LRPPRC: variants seen among roughly 807,000 people sequenced by gnomAD.
LRPPRC encodes the protein leucine rich pentatricopeptide repeat containing, also known as leucine-rich PPR motif-containing protein, mitochondrial.
LRPPRC carries 120 observed loss-of-function variants against 180.3 expected under a neutral mutation model. The observed-to-expected ratio is 0.67, with a 90% confidence interval of 0.57 to 0.77. LRPPRC has a LOEUF of 0.77. LRPPRC is among the 30% of genes least tolerant of loss of function. LRPPRC has a pLI of 0.00. For synonymous variants in LRPPRC, 723 were observed against 600.0 expected (o/e 1.21, Z -3.00); for missense variants, 2,012 against 1,657.2 (o/e 1.21, Z -3.72).
intron 1 of LRPPRC, among the ~76,000 whole-genome samples, chr2:43,995,205 C>T (rs1345821325): frequency 6.6e-6 from 1 of 152,178 alleles, no homozygotes; most frequent in Non-Finnish European, 1.5e-5. Flanking sequence ...CGCGCCACTG[C>T]ACTCCAGCCC....
At chr2:43,970,758 C>T (rs1412891792) in intron 11 of LRPPRC, among the ~76,000 whole-genome samples, 1 of 152,220 alleles carries the variant, frequency 6.6e-6, no homozygotes, top group Admixed American at 6.5e-5. Context: ...GGATTTTACA[C>T]TCTAGCCACG....
At chr2:43,945,551 G>C (rs1294943451) in intron 21 of LRPPRC, 134 bp from the exon 22 acceptor site, 5 of 681,414 alleles carry the variant, frequency 7.3e-6, no homozygotes, top group Non-Finnish European at 1.3e-5. Context: ...CTTCAGTTAG[G>C]ATTTCTTTTT....
chr2:43,972,046 A>G lies in LRPPRC; in HGVS notation c.1369+1561T>C, dbSNP rs376795604. ...GCAACTAATTTTTAAACAGCAGCTA[A>G]GAATTTTTAGAAAATAAACACAGTA... On this transcript the variant is annotated intron_variant, in intron 11 of 37. Coordinates refer to ENST00000260665, the MANE Select transcript of LRPPRC (RefSeq NM_133259.4). Among the ~76,000 whole-genome samples, 72 of 152,356 alleles carry G rather than the reference A, an allele frequency of 4.7e-4. 1 individual carries two copies. Among genetic ancestry groups the G allele is most frequent in the African/African-American group, 1.7e-3 (69 of 41,586 alleles).
chr2:43,900,563 C>T (rs1558904406), intron 32 of LRPPRC, among the ~76,000 whole-genome samples: 2 of 151,952 alleles, frequency 1.3e-5, no homozygotes, highest in Non-Finnish European at 2.9e-5. Flanking sequence ...ATCACATTTT[C>T]TTATTAAAGG....
intron 27 of LRPPRC, 101 bp from the exon 28 acceptor site, chr2:43,918,499 A>G (rs1388172294): frequency 1.1e-6 from 1 of 923,946 alleles, no homozygotes; most frequent in Non-Finnish European, 1.7e-6. Context: ...AGAAAGCATT[A>G]TTCCAAATGC....
intron 29 of LRPPRC, among the ~76,000 whole-genome samples, chr2:43,915,226 TCTCTCTCACACA>T (rs748022940): frequency 0.12 from 9,575 of 81,270 alleles, 377 homozygotes; most frequent in East Asian, 0.25. Context: ...TCTCTCTCTC[TCTCTCTCACACA>T]CACACACACA....
In LRPPRC at chr2:43,911,356, G is replaced by A. The variant is rs191851296; in HGVS notation, c.3275+1076C>T. ...ACATTAAAACACAGACACTAAATAC[G>A]GCCCTATGATGCATAACTTTAGCAA... On this transcript the variant is annotated intron_variant, in intron 30 of 37. Transcript: ENST00000260665. Among the ~76,000 whole-genome samples, 355 of 151,754 alleles carry A rather than the reference G, an allele frequency of 2.3e-3. 3 individuals carry two copies. Among genetic ancestry groups the A allele is most frequent in the Non-Finnish European group, 3.9e-3 (267 of 67,940 alleles).
intron 26 of LRPPRC, among the ~76,000 whole-genome samples, chr2:43,925,691 A>G (rs1387727065): frequency 1.3e-5 from 2 of 152,188 alleles, no homozygotes; most frequent in African/African-American, 4.8e-5. Context: ...TAATATCATC[A>G]GGGCCCAGGT....
At chr2:43,959,482 T>C (rs1234696791) in intron 13 of LRPPRC, among the ~76,000 whole-genome samples, 2 of 152,192 alleles carry the variant, frequency 1.3e-5, no homozygotes, top group Non-Finnish European at 2.9e-5. Flanking sequence ...TTTAGGGAGC[T>C]AAAAATTAAT....
chr2:43,933,161 G>A (rs993695157), intron 25 of LRPPRC, among the ~76,000 whole-genome samples: 1 of 152,120 alleles, frequency 6.6e-6, no homozygotes, highest in African/African-American at 2.4e-5. Context: ...CTGACAAGTG[G>A]GCAGATTGAG....
intron 8 of LRPPRC, 23 bp from the exon 9 acceptor site, chr2:43,974,318 T>C (rs537325893): frequency 1.9e-6 from 3 of 1,573,300 alleles, no homozygotes; most frequent in East Asian, 2.2e-5. Flanking sequence ...CAAAGACATC[T>C]TTTGTTAATA....
rs1380043598 is a variant in LRPPRC, at chr2:43,995,943, G to A, written c.5C>T (p.Ala2Val). 4 of 1,526,272 alleles carry A rather than the reference G, an allele frequency of 2.6e-6. No homozygotes were observed. Among genetic ancestry groups the A allele is most frequent in the East Asian group, 2.5e-5 (1 of 39,624 alleles). 94.5% of individuals were successfully genotyped at this position (1,526,272 alleles called of 1,614,324 possible). Residue 2 changes from alanine (A) to valine (V), a missense_variant, in exon 1 of 38, where the codon GCA (alanine) becomes GTA (valine). Transcript: ENST00000260665. Reference sequence around the variant, plus strand: ...CCAACGCGCGGATCTCAGCAGGGCTGCCATTGCTCGAACGTCCCCGCAGCG... The same window carrying A: ...CCAACGCGCGGATCTCAGCAGGGCTACCATTGCTCGAACGTCCCCGCAGCG... M[A>V]ALLRSARWLL...
intron 23 of LRPPRC, among the ~76,000 whole-genome samples, chr2:43,935,336 A>G (rs528489304): frequency 6.6e-6 from 1 of 152,308 alleles, no homozygotes; most frequent in Admixed American, 6.5e-5. Flanking sequence ...ATGTCCACCA[A>G]TAGCTAATAA....
chr2:43,932,343 T>C, intron 25 of LRPPRC, among the ~76,000 whole-genome samples: 1 of 152,152 alleles, frequency 6.6e-6, no homozygotes. Context: ...AGCAGCTCTG[T>C]AAATTCAACC....
intron 36 of LRPPRC, chr2:43,890,155 A>G (rs555846459): frequency 1.3e-5 from 6 of 459,614 alleles, no homozygotes; most frequent in South Asian, 8.6e-5. Context: ...AGGTTATTAC[A>G]TTATTTAAGA....
intron 27 of LRPPRC, among the ~76,000 whole-genome samples, chr2:43,922,069 C>T (rs1185819045): frequency 6.6e-6 from 1 of 152,100 alleles, no homozygotes. Context: ...TCATTTCATT[C>T]ATGTAATTAA....
intron 13 of LRPPRC, chr2:43,959,092 T>C: frequency 1.6e-6 from 1 of 634,810 alleles, no homozygotes; most frequent in Non-Finnish European, 2.9e-6. Flanking sequence ...GCCTGAAAAA[T>C]CAAGAGGTTG....
chr2:43,937,878 G>A (rs1436813539), intron 23 of LRPPRC, among the ~76,000 whole-genome samples: 4 of 152,162 alleles, frequency 2.6e-5, no homozygotes, highest in Non-Finnish European at 5.9e-5. Context: ...CAACCAAAAT[G>A]TGGGACAACA....
At chr2:43,954,844 T>G (rs1282274711) in intron 14 of LRPPRC, among the ~76,000 whole-genome samples, 1 of 152,196 alleles carries the variant, frequency 6.6e-6, no homozygotes, top group Non-Finnish European at 1.5e-5. Context: ...CTTAGATTTA[T>G]ATCAGTAGAC....
Sources: gnomAD v4.1 joint callset for allele counts (sites outside exome capture counted in the v4.1 genomes callset) on GRCh38, gnomAD v4.1.1 for gene constraint, MANE v1.5 for transcripts, NCBI Gene and HGNC (gene_info 2026-07-23, HGNC 2026-07-21) for gene names.